EYS: variants seen among roughly 807,000 people sequenced by gnomAD.
EYS encodes protein eyes shut homolog.
Under a neutral mutation model 282.1 loss-of-function variants are expected in EYS, and 250 were observed. The ratio of observed to expected loss-of-function variants is 0.89; its 90% CI spans 0.80 to 0.98. The LOEUF is 0.98. EYS is among the 50% of genes least tolerant of loss of function. The pLI, the probability that EYS is intolerant of heterozygous loss-of-function variation, is 0.00. For synonymous variants in EYS, 1,355 were observed against 1,282.9 expected, an observed-to-expected ratio of 1.06 and a Z score of -1.20; for missense variants, 4,016 against 3,709.0, an observed-to-expected ratio of 1.08 and a Z score of -2.15.
At chr6:64,062,321 T>G (rs1481125401) in intron 33 of EYS, among the ~76,000 whole-genome samples, 1 of 152,186 alleles carries the variant, frequency 6.6e-6, no homozygotes, top group African/African-American at 2.4e-5. Flanking sequence ...TCAAGCTATG[T>G]ATCTCTATTT....
At chr6:64,160,001 T>G (rs928277404) in intron 31 of EYS, among the ~76,000 whole-genome samples, 2 of 152,200 alleles carry the variant, frequency 1.3e-5, no homozygotes, top group African/African-American at 4.8e-5. Flanking sequence ...ATAATAAAAC[T>G]GAGGTACAAA....
Position 65,495,626 on chromosome 6 carries a change from A to T in EYS, c.-197-19T>A. On this transcript the variant is annotated intron_variant, in intron 3 of 42. Coordinates refer to ENST00000503581, the MANE Select transcript of EYS (RefSeq NM_001142800.2). ...AATATTCCTTTAAACAGAAAAAAACATATATTGTTAGTGAAGTTTTCCCTA... is the reference window on the plus strand; with the variant it reads ...AATATTCCTTTAAACAGAAAAAAACTTATATTGTTAGTGAAGTTTTCCCTA... The T allele has an allele frequency of 3.3e-6, 2 of 598,170 alleles. No homozygotes were observed. Among genetic ancestry groups the T allele is most frequent in the East Asian group, 5.6e-5 (2 of 35,710 alleles). 37.1% of individuals were successfully genotyped at this position (598,170 alleles called of 1,614,324 possible). A position where few individuals can be genotyped will look rare whatever the true frequency, so the allele number is the denominator to read the frequency against.
intron 12 of EYS, among the ~76,000 whole-genome samples, chr6:65,152,535 T>C (rs1764637824): frequency 6.6e-6 from 1 of 151,696 alleles, no homozygotes; most frequent in Non-Finnish European, 1.5e-5. Context: ...AGGGTGACCA[T>C]CTGCAATCCA....
At chr6:63,934,142 T>G (rs1764982710) in intron 35 of EYS, among the ~76,000 whole-genome samples, 1 of 151,944 alleles carries the variant, frequency 6.6e-6, no homozygotes, top group Non-Finnish European at 1.5e-5. Flanking sequence ...AAAAGACACA[T>G]GAAAAAATGC....
intron 31 of EYS, among the ~76,000 whole-genome samples, chr6:64,217,251 G>A (rs1288353251): frequency 2.6e-5 from 4 of 152,030 alleles, no homozygotes; most frequent in South Asian, 2.1e-4. Context: ...AGAAAGAGCC[G>A]AGAATGGTGG....
At chr6:64,509,309 G>A (rs1408804760) in intron 26 of EYS, among the ~76,000 whole-genome samples, 3 of 151,996 alleles carry the variant, frequency 2.0e-5, no homozygotes, top group Admixed American at 6.6e-5. Context: ...GCTTCTTTAC[G>A]ACTTGTCTGC....
At chr6:64,616,513 A>G (rs2149848659) in intron 24 of EYS, among the ~76,000 whole-genome samples, 2 of 151,810 alleles carry the variant, frequency 1.3e-5, no homozygotes, top group Admixed American at 1.3e-4. Context: ...TCCTTCTACA[A>G]TTGATTTTTC....
chr6:64,532,201 G>A (rs1179662185), intron 26 of EYS, among the ~76,000 whole-genome samples: 4 of 152,178 alleles, frequency 2.6e-5, no homozygotes, highest in Non-Finnish European at 5.9e-5. Context: ...TCTAGAGTTT[G>A]GAAAGTTGAC....
intron 31 of EYS, among the ~76,000 whole-genome samples, chr6:64,229,315 C>G (rs112716048): frequency 8.5e-5 from 13 of 152,138 alleles, no homozygotes; most frequent in African/African-American, 3.1e-4. Context: ...AAGACTCCAC[C>G]TAGCACAAAA....
chr6:64,458,345 T>A (rs1231567812), intron 26 of EYS, among the ~76,000 whole-genome samples: 1 of 152,152 alleles, frequency 6.6e-6, no homozygotes, highest in Non-Finnish European at 1.5e-5. Context: ...TAGCATTTCA[T>A]CTAAAACAAG....
rs376673317 is a variant in EYS, at chr6:64,777,574, T to C, written c.3443+35804A>G. Among the ~76,000 whole-genome samples the C allele has an allele frequency of 1.1e-4, 17 of 152,258 alleles. No homozygotes were observed. In the East Asian group the frequency reaches 1.2e-3, roughly 10 times the overall value. On this transcript the variant is annotated intron_variant, in intron 22 of 42. Coordinates refer to ENST00000503581, the MANE Select transcript of EYS (RefSeq NM_001142800.2). ...TATACTTGCTTTATTGCTAATATATTGATTAGTTTCCTAATGAGATCACAG... is the reference window on the plus strand; with the variant it reads ...TATACTTGCTTTATTGCTAATATATCGATTAGTTTCCTAATGAGATCACAG...
rs549195196 is a variant in EYS at position 64,074,590 on chromosome 6, T to C, written c.6571+7266A>G. Among the ~76,000 whole-genome samples the C allele has an allele frequency of 5.3e-5, 8 of 151,810 alleles. No homozygotes were observed. In the South Asian group the frequency reaches 1.7e-3, roughly 32 times the overall value. On this transcript the variant is annotated intron_variant, in intron 32 of 42. Transcript: ENST00000503581. ...ATGCTCCCAATATCAACAATTTGAA[T>C]TGAGATCATTTATAAATATTCAAAA...
intron 29 of EYS, among the ~76,000 whole-genome samples, chr6:64,382,920 T>C (rs915745759): frequency 2.0e-5 from 3 of 152,102 alleles, no homozygotes; most frequent in Admixed American, 2.0e-4. Flanking sequence ...GGTTTCCTTC[T>C]GTTGGGTAGG....
chr6:64,120,932 A>G (rs1214441175), intron 31 of EYS, among the ~76,000 whole-genome samples: 1 of 152,104 alleles, frequency 6.6e-6, no homozygotes, highest in African/African-American at 2.4e-5. Context: ...AAGCTCACTG[A>G]TTATTGGCAA....
chr6:64,055,635 A>G (rs1055978903), intron 33 of EYS, among the ~76,000 whole-genome samples: 1 of 152,224 alleles, frequency 6.6e-6, no homozygotes, highest in South Asian at 2.1e-4. Context: ...TATATCAGTG[A>G]GTGGCATTAT....
chr6:64,505,042 A>C (rs546834531), intron 26 of EYS, among the ~76,000 whole-genome samples: 2 of 152,320 alleles, frequency 1.3e-5, no homozygotes, highest in East Asian at 3.9e-4. Context: ...CAGGATGTAG[A>C]ACAGATTCAA....
chr6:64,754,678 A>C (rs1772875794), intron 22 of EYS, among the ~76,000 whole-genome samples: 1 of 152,186 alleles, frequency 6.6e-6, no homozygotes, highest in Non-Finnish European at 1.5e-5. Context: ...AGATGGTTCA[A>C]CGTATGCAAA....
intron 21 of EYS, among the ~76,000 whole-genome samples, chr6:64,816,507 G>C (rs1000150504): frequency 6.6e-6 from 1 of 152,020 alleles, no homozygotes; most frequent in African/African-American, 2.4e-5. Context: ...TTCTGATCTA[G>C]GTTTGGGCTC....
chr6:64,127,107 A>T (rs1207152613), intron 31 of EYS, among the ~76,000 whole-genome samples: 1 of 152,208 alleles, frequency 6.6e-6, no homozygotes, highest in Non-Finnish European at 1.5e-5. Flanking sequence ...TTCACTAGGA[A>T]CATACAACTT....
Sources: allele counts gnomAD v4.1 joint callset (sites outside exome capture counted in the v4.1 genomes callset), GRCh38; gene constraint gnomAD v4.1.1; transcripts MANE v1.5; gene names NCBI Gene and HGNC (gene_info 2026-07-23, HGNC 2026-07-21).